Variants in LDAH observed in about 807,000 individuals in gnomAD.
LDAH encodes lipid droplet associated hydrolase.
Under a neutral mutation model 29.6 loss-of-function variants are expected in LDAH, and 26 were observed. The ratio of observed to expected loss-of-function variants is 0.88; its 90% CI spans 0.64 to 1.22. The LOEUF is 1.22. LDAH is among the 50% of genes most tolerant of loss of function. LDAH has a pLI of 0.00. For synonymous variants in LDAH, 117 were observed against 133.0 expected (o/e 0.88, Z 0.83); for missense variants, 344 against 387.3 (o/e 0.89, Z 0.94).
chr2:20,693,086 C>T (rs1230019338), intron 6 of LDAH, among the ~76,000 whole-genome samples: 1 of 152,278 alleles, frequency 6.6e-6, no homozygotes, highest in South Asian at 2.1e-4. Context: ...GGACCAGTTA[C>T]TTAGCTTCCC....
chr2:20,700,630 G>A (rs569657015), intron 6 of LDAH, among the ~76,000 whole-genome samples: 2 of 152,214 alleles, frequency 1.3e-5, no homozygotes, highest in Non-Finnish European at 2.9e-5. Flanking sequence ...CAATTGTAAA[G>A]TTTAAGACTA....
chr2:20,714,897 A>G (rs541658268), intron 5 of LDAH, among the ~76,000 whole-genome samples: 1 of 152,370 alleles, frequency 6.6e-6, no homozygotes, highest in East Asian at 1.9e-4. Context: ...TCAATGGCCT[A>G]CCAACCAAAA....
intron 1 of LDAH, among the ~76,000 whole-genome samples, chr2:20,801,930 ATGTGTGTGTGTG>A (rs35921690): frequency 2.1e-5 from 3 of 140,138 alleles, no homozygotes; most frequent in Non-Finnish European, 4.7e-5. Context: ...CCCAAATTCT[ATGTGTGTGTGTG>A]TGTGTGTGTG....
intron 4 of LDAH, among the ~76,000 whole-genome samples, chr2:20,745,446 C>A (rs576302365): frequency 6.6e-6 from 1 of 152,202 alleles, no homozygotes; most frequent in South Asian, 2.1e-4. Flanking sequence ...TGGTCATTTG[C>A]ATTTTTTTTG....
At chr2:20,696,149 C>T (rs559723845) in intron 6 of LDAH, among the ~76,000 whole-genome samples, 2 of 152,334 alleles carry the variant, frequency 1.3e-5, no homozygotes, top group South Asian at 4.1e-4. Flanking sequence ...AATACCGAGG[C>T]TTGGCGGAAA....
At chr2:20,747,301 CATT>C (rs1171004097) in intron 4 of LDAH, among the ~76,000 whole-genome samples, 1 of 152,092 alleles carries the variant, frequency 6.6e-6, no homozygotes, top group Non-Finnish European at 1.5e-5. Flanking sequence ...TTCAAAAAAA[CATT>C]ATCACTGCCA....
At chr2:20,766,368 T>G (rs1022175142) in intron 4 of LDAH, among the ~76,000 whole-genome samples, 1 of 152,176 alleles carries the variant, frequency 6.6e-6, no homozygotes, top group African/African-American at 2.4e-5. Context: ...GAGTGAAAAT[T>G]TTCACTTCCA....
At chr2:20,752,217 AT>A (rs762484203) in intron 4 of LDAH, among the ~76,000 whole-genome samples, 8 of 145,350 alleles carry the variant, frequency 5.5e-5, no homozygotes, top group East Asian at 4.0e-4. Flanking sequence ...AAAAAAAAAA[AT>A]TTATACTTCA....
rs369512144 is a variant in LDAH, at chr2:20,700,714, T to G, written c.786+856A>C. ...TTTCCTAGTTACAATGTTTAAAAAA[T>G]TATAAAGGAATGGGTGAAATTACTT... On this transcript the variant is annotated intron_variant, in intron 6 of 6. Transcript: ENST00000237822. Among the ~76,000 whole-genome samples the G allele has an allele frequency of 1.5e-3, 227 of 152,298 alleles. 4 individuals are homozygous for G. In the South Asian group the frequency reaches 0.043, roughly 29 times the overall value.
chr2:20,779,813 GC>G (rs1425058421), intron 3 of LDAH, among the ~76,000 whole-genome samples: 2 of 152,218 alleles, frequency 1.3e-5, no homozygotes, highest in Non-Finnish European at 2.9e-5. Flanking sequence ...AAAAAAGAAT[GC>G]ATTGACATGC....
At chr2:20,744,671 A>G (rs114679318) in intron 4 of LDAH, among the ~76,000 whole-genome samples, 1 of 152,088 alleles carries the variant, frequency 6.6e-6, no homozygotes, top group Non-Finnish European at 1.5e-5. Flanking sequence ...AAAATGGTTC[A>G]TTTCACCTTC....
intron 6 of LDAH, among the ~76,000 whole-genome samples, chr2:20,690,574 GAGATACTT>G (rs1662931555): frequency 1.3e-5 from 2 of 152,198 alleles, no homozygotes; most frequent in Non-Finnish European, 2.9e-5. Flanking sequence ...ACACTGGCTT[GAGATACTT>G]CCTTTTCCCT....
intron 3 of LDAH, among the ~76,000 whole-genome samples, chr2:20,785,887 T>C (rs947388887): frequency 5.9e-5 from 9 of 152,200 alleles, no homozygotes; most frequent in African/African-American, 2.2e-4. Context: ...TTCCCTACTG[T>C]CTGCTTGCAT....
intron 3 of LDAH, chr2:20,789,322 A>G (rs1670778801): frequency 6.5e-7 from 1 of 1,539,236 alleles, no homozygotes; most frequent in East Asian, 2.5e-5. Context: ...CCACCACGAG[A>G]GGACAGCAAG....
Position 20,685,432 on chromosome 2 carries a change from T to G in LDAH, c.*1471A>C, listed in dbSNP as rs1662489536. 6.6e-6 allele frequency: 9 copies of G among 1,356,324 alleles called. No individual in the cohort carries two copies. In the South Asian group the frequency reaches 8.7e-5, roughly 13 times the overall value. The allele number at this position is 1,356,324 out of a possible 1,614,324, so 84.0% of individuals were successfully genotyped here. ...GCTTACGGCCTATGTATCTATTAGC[T>G]CTTCCCCTTGGGCTAACAGCACTCC... On this transcript the variant is annotated 3_prime_UTR_variant, in exon 7 of 7. Coordinates refer to ENST00000237822, the MANE Select transcript of LDAH (RefSeq NM_021925.4).
Position 20,693,073 on chromosome 2 carries a change from C to G in LDAH, c.787-5979G>C, listed in dbSNP as rs552138855. 5.9e-5 allele frequency among the ~76,000 whole-genome samples: 9 copies of G among 152,270 alleles called. No individual in the cohort carries two copies. The East Asian group carries it at 1.5e-3, about 26-fold the overall frequency. ...TTCTGCCATTTATTGGTGCTGTGAG[C>G]CTGGACCAGTTACTTAGCTTCCCTG... On this transcript the variant is annotated intron_variant, in intron 6 of 6. Coordinates refer to ENST00000237822, the MANE Select transcript of LDAH (RefSeq NM_021925.4).
chr2:20,712,649 AG>A (rs1413347002), intron 5 of LDAH, among the ~76,000 whole-genome samples: 1 of 152,220 alleles, frequency 6.6e-6, no homozygotes, highest in African/African-American at 2.4e-5. Context: ...AAAAAAGATT[AG>A]GTGAATGGCT....
At chr2:20,731,213 G>A (rs1666379402) in intron 5 of LDAH, among the ~76,000 whole-genome samples, 1 of 152,190 alleles carries the variant, frequency 6.6e-6, no homozygotes, top group Non-Finnish European at 1.5e-5. Context: ...AATGTTGGAG[G>A]TGGGACCTGG....
chr2:20,766,809 T>G (rs1401556996), intron 4 of LDAH, among the ~76,000 whole-genome samples: 1 of 152,188 alleles, frequency 6.6e-6, no homozygotes, highest in East Asian at 1.9e-4. Context: ...GGAGCTGCAA[T>G]GGCGGTGGTG....
Sources: gnomAD v4.1 joint callset for allele counts (sites outside exome capture counted in the v4.1 genomes callset) on GRCh38, gnomAD v4.1.1 for gene constraint, MANE v1.5 for transcripts, NCBI Gene and HGNC (gene_info 2026-07-23, HGNC 2026-07-21) for gene names.